Variants in EDN3 observed in about 807,000 individuals in gnomAD.
The protein encoded by EDN3 is endothelin 3.
In EDN3, 9 loss-of-function variants were observed where a neutral mutation model predicts 21.4. The observed-to-expected ratio is 0.42, with a 90% CI of 0.25 to 0.73. The LOEUF (loss-of-function observed/expected upper bound fraction) is 0.73. Among genes scored for constraint, EDN3 ranks in the 30% least tolerant of loss-of-function variants. The probability of loss-of-function intolerance (pLI) is 0.26; values close to 1 mark genes in which losing one functional copy is unlikely to be tolerated. For missense variants in EDN3, 327 were observed against 309.4 expected (o/e 1.06, Z -0.43); for synonymous variants, 133 against 126.2 (o/e 1.05, Z -0.36).
chr20:59,313,520 AG>A (rs1206381880), intron 2 of EDN3, among the ~76,000 whole-genome samples: 1 of 152,136 alleles, frequency 6.6e-6, no homozygotes, highest in Non-Finnish European at 1.5e-5. Context: ...AGGTTTTTTG[AG>A]GGGGAAAGGA....
chr20:59,304,260 A>G (rs1006823902), intron 2 of EDN3, among the ~76,000 whole-genome samples: 2 of 152,214 alleles, frequency 1.3e-5, no homozygotes, highest in Non-Finnish European at 2.9e-5. Flanking sequence ...AGGAATCTAA[A>G]AAATCACTGA....
At chr20:59,317,272 G>A (rs1382101795) in intron 2 of EDN3, among the ~76,000 whole-genome samples, 1 of 152,178 alleles carries the variant, frequency 6.6e-6, no homozygotes. Flanking sequence ...AGGTGGTGTC[G>A]AATGAGGTGA....
chr20:59,302,117 C>T (rs1989092547), intron 2 of EDN3, among the ~76,000 whole-genome samples: 1 of 152,170 alleles, frequency 6.6e-6, no homozygotes, highest in Admixed American at 6.5e-5. Context: ...CTGTTGACCC[C>T]ACCAGGATCC....
At position 59,305,123 on chromosome 20, in the gene EDN3, C is replaced by G. The variant is rs1989316038; in HGVS notation, c.365+3401C>G. 6.6e-6 allele frequency among the ~76,000 whole-genome samples: 1 copy of G among 152,110 alleles called. No homozygotes were observed. The highest frequency in any genetic ancestry group is 2.4e-5 in the African/African-American group (1 of 41,398). ...TGATATCTTCCCAAAAGTCCATCGC[C>G]CCAAAGAGGAACCAAATTTATACTT... On this transcript the variant is annotated intron_variant, in intron 2 of 4. Transcript: ENST00000337938. This position sits in a 1 kb window ranked among gnomAD's most constrained non-coding sequence, Gnocchi z 4.2.
intron 2 of EDN3, among the ~76,000 whole-genome samples, chr20:59,315,529 C>T (rs1415270129): frequency 6.6e-6 from 1 of 152,142 alleles, no homozygotes; most frequent in Admixed American, 6.5e-5. Context: ...ACCAGCTGGG[C>T]TTTTTAAATG....
At chr20:59,308,574 T>G (rs1989583132) in intron 2 of EDN3, among the ~76,000 whole-genome samples, 1 of 152,214 alleles carries the variant, frequency 6.6e-6, no homozygotes, top group Middle Eastern at 3.2e-3. Flanking sequence ...CTCTGAGACC[T>G]TCAGTGTCCC....
chr20:59,300,937 C>G (rs966456113), intron 1 of EDN3, 73 bp downstream of exon 1: 21 of 1,548,462 alleles, frequency 1.4e-5, no homozygotes, highest in Admixed American at 3.6e-5. Context: ...GGACCCGAGG[C>G]GCGGAGAAGA....
In EDN3 at chr20:59,324,606, C is replaced by G. The variant is rs576673862; in HGVS notation, c.*147C>G. ...AGTCCCCACTTAACAATACCCCCCC[C>G]CCACGGCAAGAATGCCCAAATCCGA... On this transcript the variant is annotated 3_prime_UTR_variant, in exon 5 of 5. Coordinates refer to ENST00000337938, the MANE Select transcript of EDN3 (RefSeq NM_207034.3). 1.9e-4 allele frequency: 206 copies of G among 1,100,670 alleles called. 1 individual carries two copies. Among genetic ancestry groups the G allele is most frequent in the South Asian group, 1.2e-3 (87 of 72,446 alleles). The allele number at this position is 1,100,670 out of a possible 1,614,324, so 68.2% of individuals were successfully genotyped here.
rs1025563360 is a variant in EDN3, at chr20:59,300,839, C to T, written c.27C>T (p.Phe9=). ...TGGAGCCGGGGCTGTGGCTCCTTTT[C>T]GGGCTCACAGTGACCTCCGCCGCAG... MEPGLWLL[F]GLTVTSAAGF... Residue 9 remains phenylalanine (F), a synonymous_variant, in exon 1 of 5, where the codon TTC becomes TTT. Coordinates refer to ENST00000337938, the MANE Select transcript of EDN3 (RefSeq NM_207034.3). 1 of 1,611,354 alleles carries T rather than the reference C, an allele frequency of 6.2e-7. No homozygotes were observed. Among genetic ancestry groups the T allele is most frequent in the Non-Finnish European group, 8.5e-7 (1 of 1,179,632 alleles).
intron 2 of EDN3, among the ~76,000 whole-genome samples, chr20:59,311,013 A>G (rs918553968): frequency 2.0e-5 from 3 of 152,154 alleles, no homozygotes; most frequent in African/African-American, 7.2e-5. Context: ...AAAAACAAGT[A>G]AAATGTAATG....
intron 2 of EDN3, among the ~76,000 whole-genome samples, chr20:59,319,389 A>G (rs1990384294): frequency 6.6e-6 from 1 of 152,206 alleles, no homozygotes; most frequent in Non-Finnish European, 1.5e-5. Context: ...GTTTCAAATG[A>G]AAAGAAATTC....
At position 59,322,309 on chromosome 20, in the gene EDN3, C is replaced by T; in HGVS notation, c.543-63C>T. 1.3e-6 allele frequency: 2 copies of T among 1,590,858 alleles called. No homozygotes were observed. Among genetic ancestry groups the T allele is most frequent in the South Asian group, 2.2e-5 (2 of 90,606 alleles). ...TGGGGAAGAGGAAGTCATAATTTGACACCGAAAAACCAGCCACAGGGAAAG... is the reference window on the plus strand; with the variant it reads ...TGGGGAAGAGGAAGTCATAATTTGATACCGAAAAACCAGCCACAGGGAAAG... On this transcript the variant is annotated intron_variant, in intron 3 of 4. Transcript: ENST00000337938. The surrounding 1 kb of genome is among the most constrained non-coding windows in gnomAD (Gnocchi z 4.1).
chr20:59,315,726 G>A (rs1990130728), intron 2 of EDN3, among the ~76,000 whole-genome samples: 1 of 152,122 alleles, frequency 6.6e-6, no homozygotes, highest in African/African-American at 2.4e-5. Context: ...TGAGCGAAGG[G>A]GGCCAGGTAT....
chr20:59,309,316 TGTCCTTGGTAC>T (rs1362283073), intron 2 of EDN3, among the ~76,000 whole-genome samples: 1 of 152,206 alleles, frequency 6.6e-6, no homozygotes, highest in Admixed American at 6.5e-5. Flanking sequence ...GTGGCTCTCA[TGTCCTTGGTAC>T]GTCCAGCAGA....
rs1988944185 is a variant in EDN3 at position 59,300,796 on chromosome 20, G to C, written c.-17G>C. The C allele has an allele frequency of 6.2e-7, 1 of 1,607,646 alleles. No homozygotes were observed. Among genetic ancestry groups the C allele is most frequent in the Admixed American group, 1.7e-5 (1 of 59,654 alleles). ...GCCGTCCTCCTGGTCCGGTGCTCCG[G>C]CGCCTGATCTAGGTTCATGGAGCCG... is the stretch of plus-strand genomic sequence containing the variant. On this transcript the variant is annotated 5_prime_UTR_variant, in exon 1 of 5. Coordinates refer to ENST00000337938, the MANE Select transcript of EDN3 (RefSeq NM_207034.3).
intron 2 of EDN3, 88 bp downstream of exon 2, chr20:59,301,810 C>G: frequency 6.9e-7 from 1 of 1,454,246 alleles, no homozygotes; most frequent in Non-Finnish European, 9.7e-7. Context: ...CCACCCCAGC[C>G]CCGCTCAGTT....
rs774217144 is a variant in EDN3 at position 59,301,450 on chromosome 20, C to T, written c.93C>T (p.Arg31=). 2.5e-6 allele frequency: 4 copies of T among 1,613,036 alleles called. No individual in the cohort carries two copies. The highest frequency in any genetic ancestry group is 2.7e-5 in the African/African-American group (2 of 74,918). ...CCCAGTCTGGGGATGCTGGCAGGCG[C>T]GGCGTGTCCCAGGCCCCCACTGCAG... ...PCSQSGDAGR[R]GVSQAPTAAR... The change falls in exon 2 of 5, where the codon CGC becomes CGT. Residue 31 remains arginine, a synonymous_variant. Transcript: ENST00000337938.
chr20:59,304,850 C>T (rs756264651), intron 2 of EDN3, among the ~76,000 whole-genome samples: 26 of 152,174 alleles, frequency 1.7e-4, no homozygotes, highest in Admixed American at 1.5e-3. Flanking sequence ...CGAGCTTGGT[C>T]GGCCCTTTCT....
rs1252840766 is a variant in EDN3, at chr20:59,324,572, C to T, written c.*113C>T. 2.0e-6 allele frequency: 3 copies of T among 1,483,128 alleles called. No homozygotes were observed. The highest frequency in any genetic ancestry group is 2.3e-5 in the South Asian group (2 of 86,732). The allele number at this position is 1,483,128 out of a possible 1,614,324, so 91.9% of individuals were successfully genotyped here. ...GTGAATTTGCCTGGGGCAGAACACC[C>T]ACCCAAAGAGTCCCCACTTAACAAT... On this transcript the variant is annotated 3_prime_UTR_variant, in exon 5 of 5. Transcript: ENST00000337938.
Sources: allele counts gnomAD v4.1 joint callset (sites outside exome capture counted in the v4.1 genomes callset), GRCh38; gene constraint gnomAD v4.1.1; non-coding constraint Gnocchi (gnomAD v3.1); transcripts MANE v1.5; gene names NCBI Gene and HGNC (gene_info 2026-07-23, HGNC 2026-07-21).